ACOX2: variants seen among roughly 807,000 people sequenced by gnomAD.
ACOX2 encodes acyl-CoA oxidase 2.
A neutral mutation model predicts 77.5 loss-of-function variants in ACOX2; 59 were observed. That is an observed-to-expected ratio of 0.76 (90% CI 0.62 to 0.95). The LOEUF (loss-of-function observed/expected upper bound fraction) is 0.95. ACOX2 is among the 40% of genes least tolerant of loss of function. The pLI, the probability that ACOX2 is intolerant of heterozygous loss-of-function variation, is 0.00. For missense variants in ACOX2, 837 were observed against 880.4 expected, an observed-to-expected ratio of 0.95 and a Z score of 0.62; for synonymous variants, 317 against 340.1, an observed-to-expected ratio of 0.93 and a Z score of 0.75.
Position 58,522,544 on chromosome 3 carries a change from C to A in ACOX2, c.1584G>T (p.Gln528His). Residue 528 changes from glutamine (Q) to histidine (H), a missense_variant, in exon 12 of 15, where the codon CAG becomes CAT. Transcript: ENST00000302819. The surrounding 1 kb of genome is among the most constrained non-coding windows in gnomAD (Gnocchi z 4.3). ...LQTLTQSGAD[Q>H]HEAWNQTTVI... ...CAGTGGTCTGGTTCCAAGCCTCGTG[C>A]TGGTCAGCTCCGGATTGCGTCAGGG... is the stretch of plus-strand genomic sequence containing the variant. The A allele has an allele frequency of 1.2e-6, 2 of 1,614,190 alleles. No homozygotes were observed. Among genetic ancestry groups the A allele is most frequent in the Non-Finnish European group, 1.7e-6 (2 of 1,180,036 alleles).
In ACOX2 at chr3:58,526,432, C is replaced by G. The variant is rs767277395; in HGVS notation, c.1346+34G>C. The G allele has an allele frequency of 1.3e-6, 2 of 1,580,372 alleles. No individual in the cohort carries two copies. Among genetic ancestry groups the G allele is most frequent in the African/African-American group, 2.7e-5 (2 of 74,154 alleles). On this transcript the variant is annotated intron_variant, in intron 10 of 14. Transcript: ENST00000302819. The surrounding 1 kb of genome is among the most constrained non-coding windows in gnomAD (Gnocchi z 4.3). ...CAGAAGCTTGGTGGGTCCCCAAGGG[C>G]TTGGGCAAAGGCCTGGGTCAGCCTG... is the stretch of plus-strand genomic sequence containing the variant.
Position 58,514,970 on chromosome 3 carries a change from G to A in ACOX2, c.1850+2236C>T, listed in dbSNP as rs953496727. ...GTATTAGGGAAAGTTTTATACCTGG[G>A]ACATAATTGTGTCAAACGTATTTTT... is the stretch of plus-strand genomic sequence containing the variant. On this transcript the variant is annotated intron_variant, in intron 13 of 14. Coordinates refer to ENST00000302819, the MANE Select transcript of ACOX2 (RefSeq NM_003500.4). The surrounding 1 kb of genome is among the most constrained non-coding windows in gnomAD (Gnocchi z 4.3). Among the ~76,000 whole-genome samples, 3 of 152,166 alleles carry A rather than the reference G, an allele frequency of 2.0e-5. No individual in the cohort carries two copies. The highest frequency in any genetic ancestry group is 7.2e-5 in the African/African-American group (3 of 41,508).
chr3:58,529,059 C>G (rs753391831), intron 8 of ACOX2, 103 bp from the exon 9 acceptor site: 7 of 1,265,188 alleles, frequency 5.5e-6, no homozygotes, highest in Non-Finnish European at 7.4e-6. Flanking sequence ...TTCCTTAGAA[C>G]TCATTGCAAA....
chr3:58,512,823 A>T lies in ACOX2; in HGVS notation c.1851-3798T>A, dbSNP rs1294769108. On this transcript the variant is annotated intron_variant, in intron 13 of 14. Transcript: ENST00000302819. The surrounding 1 kb of genome is among the most constrained non-coding windows in gnomAD (Gnocchi z 4.8). ...AGTGATTGATGTTAGAATTGGCTGC[A>T]GTATTCAGAACAGCAACATGCTTTG... is the stretch of plus-strand genomic sequence containing the variant. Among the ~76,000 whole-genome samples, 1 of 152,264 alleles carries T rather than the reference A, an allele frequency of 6.6e-6. No homozygotes were observed. Among genetic ancestry groups the T allele is most frequent in the East Asian group, 1.9e-4 (1 of 5,208 alleles).
intron 14 of ACOX2, among the ~76,000 whole-genome samples, chr3:58,507,071 C>T (rs2063239903): frequency 6.6e-6 from 1 of 152,238 alleles, no homozygotes; most frequent in African/African-American, 2.4e-5. Context: ...TTTGTAACTT[C>T]ACATTCCCAA....
At position 58,534,110 on chromosome 3, in the gene ACOX2, CTG is replaced by C. The variant is rs1391667214; in HGVS notation, c.357_358del (p.His119GlnfsTer49). On this transcript the variant is annotated frameshift_variant, in exon 4 of 15. Transcript: ENST00000302819. LOFTEE classifies it high-confidence loss of function. The surrounding 1 kb of genome is among the most constrained non-coding windows in gnomAD (Gnocchi z 4.8). ...GCTCCTGAGGGCTCTCACGAAGACT[CTG>C]TGTATATTTAAGGCCACGTCTCCAG... 2 of 1,614,152 alleles carry C rather than the reference CTG, an allele frequency of 1.2e-6. No homozygotes were observed. Among genetic ancestry groups the C allele is most frequent in the South Asian group, 2.2e-5 (2 of 91,092 alleles).
At position 58,524,480 on chromosome 3, in the gene ACOX2, G is replaced by C. The variant is rs200944812; in HGVS notation, c.1472C>G (p.Ala491Gly). The change falls in exon 11 of 15, where the codon GCC (alanine) becomes GGC (glycine). Residue 491 changes from alanine to glycine, a missense_variant. Coordinates refer to ENST00000302819, the MANE Select transcript of ACOX2 (RefSeq NM_003500.4). The surrounding 1 kb of genome is among the most constrained non-coding windows in gnomAD (Gnocchi z 5.5). ...GTAGAGCTCCGGGCAGAGGAAGTCG[G>C]CTGCCCTCTGGGCTGGACACCTGGC... ...DLARCPAQRA[A>G]DFLCPELYTT... is the part of the protein sequence containing the mutation. 5 of 1,584,888 alleles carry C rather than the reference G, an allele frequency of 3.2e-6. No individual in the cohort carries two copies. The East Asian group carries it at 6.9e-5, about 22-fold the overall frequency.
rs1560218396 is a variant in ACOX2 at position 58,528,563 on chromosome 3, C to T, written c.1155+231G>A. ...AGGGGTTGTGGACCTGTGTTCTCTA[C>T]GCTAGGTGTGATTGTTTTCTCTTAG... On this transcript the variant is annotated intron_variant, in intron 9 of 14. Transcript: ENST00000302819. This position sits in a 1 kb window ranked among gnomAD's most constrained non-coding sequence, Gnocchi z 5.6. Among the ~76,000 whole-genome samples, 1 of 152,024 alleles carries T rather than the reference C, an allele frequency of 6.6e-6. No individual in the cohort carries two copies. The highest frequency in any genetic ancestry group is 1.5e-5 in the Non-Finnish European group (1 of 68,028).
intron 8 of ACOX2, among the ~76,000 whole-genome samples, chr3:58,530,228 C>A (rs1383415988): frequency 6.6e-6 from 1 of 152,232 alleles, no homozygotes. Context: ...GGGGGCCAGG[C>A]ACTGAGGATG....
At chr3:58,530,436 T>C in intron 8 of ACOX2, 30 bp downstream of exon 8, 1 of 1,606,750 alleles carries the variant, frequency 6.2e-7, no homozygotes, top group Non-Finnish European at 8.5e-7. Context: ...GCAGCATATC[T>C]GCGGTAGTCA....
At position 58,505,411 on chromosome 3, in the gene ACOX2, T is replaced by C; in HGVS notation, c.1984-125A>G. The stretch of plus-strand genomic sequence containing the variant: ...ACGTAAGATTCTTAATTTTAAAAAT[T>C]ATTTCTAAGACTCATTTTGTGTGAA... On this transcript the variant is annotated intron_variant, in intron 14 of 14. Coordinates refer to ENST00000302819, the MANE Select transcript of ACOX2 (RefSeq NM_003500.4). The surrounding 1 kb of genome is among the most constrained non-coding windows in gnomAD (Gnocchi z 4.4). 5 of 760,970 alleles carry C rather than the reference T, an allele frequency of 6.6e-6. No homozygotes were observed. The highest frequency in any genetic ancestry group is 1.0e-5 in the Non-Finnish European group (5 of 499,344). The allele number at this position is 760,970 out of a possible 1,614,324, so 47.1% of individuals were successfully genotyped here.
At chr3:58,517,501 G>A in intron 12 of ACOX2, 78 bp from the exon 13 acceptor site, 13 of 1,422,270 alleles carry the variant, frequency 9.1e-6, no homozygotes, top group South Asian at 1.2e-5. Context: ...TGGCAAGATG[G>A]CTGGAATAAA....
At chr3:58,530,787 TC>T in intron 7 of ACOX2, 149 bp from the exon 8 acceptor site, 1 of 1,066,516 alleles carries the variant, frequency 9.4e-7, no homozygotes, top group Non-Finnish European at 1.3e-6. Flanking sequence ...CCAGGCCATT[TC>T]CCCAAGTGCC....
chr3:58,511,388 G>C, intron 13 of ACOX2: 1 of 306,514 alleles, frequency 3.3e-6, no homozygotes, highest in Non-Finnish European at 6.5e-6. Flanking sequence ...CCATTATCAT[G>C]AAGGACATTG....
Position 58,515,439 on chromosome 3 carries a change from C to G in ACOX2, c.1850+1767G>C, listed in dbSNP as rs1175298366. 6.6e-6 allele frequency among the ~76,000 whole-genome samples: 1 copy of G among 152,128 alleles called. No individual in the cohort carries two copies. The highest frequency in any genetic ancestry group is 2.1e-4 in the South Asian group (1 of 4,828). On this transcript the variant is annotated intron_variant, in intron 13 of 14. Coordinates refer to ENST00000302819, the MANE Select transcript of ACOX2 (RefSeq NM_003500.4). The surrounding 1 kb of genome is among the most constrained non-coding windows in gnomAD (Gnocchi z 4.0). ...GGAATTTGGTCTAGTTTTTTAAAAA[C>G]CTGTCTTAAAATCTTATTTTTAAAA...
Position 58,535,388 on chromosome 3 carries a change from G to T in ACOX2, c.-91-191C>A. The stretch of plus-strand genomic sequence containing the variant: ...CTTGGTACATGTTTGTTCAATACTT[G>T]TTAGCCAAAATTGGACAGGGCCTGA... On this transcript the variant is annotated intron_variant, in intron 1 of 14. Transcript: ENST00000302819. The surrounding 1 kb of genome is among the most constrained non-coding windows in gnomAD (Gnocchi z 4.8). 4.3e-6 allele frequency: 2 copies of T among 469,146 alleles called. No individual in the cohort carries two copies. The highest frequency in any genetic ancestry group is 3.5e-5 in the Admixed American group (1 of 28,910). 29.1% of individuals were successfully genotyped at this position (469,146 alleles called of 1,614,324 possible). A position where few individuals can be genotyped will look rare whatever the true frequency, so the allele number is the denominator to read the frequency against.
chr3:58,529,580 C>G (rs2063421810), intron 8 of ACOX2, among the ~76,000 whole-genome samples: 1 of 152,232 alleles, frequency 6.6e-6, no homozygotes, highest in East Asian at 1.9e-4. Context: ...CTTATAACCA[C>G]CCTGGGGACA....
chr3:58,510,783 G>A (rs1030548865), intron 13 of ACOX2, among the ~76,000 whole-genome samples: 4 of 133,542 alleles, frequency 3.0e-5, no homozygotes, highest in Non-Finnish European at 6.2e-5. Flanking sequence ...TTAGCAAAAC[G>A]CATACCTCTT....
chr3:58,531,198 C>T lies in ACOX2; in HGVS notation c.819+53G>A, dbSNP rs1040897114. 1.2e-5 allele frequency: 19 copies of T among 1,532,224 alleles called. 1 individual carries two copies. The highest frequency in any genetic ancestry group is 1.0e-4 in the Admixed American group (6 of 58,446). 94.9% of individuals were successfully genotyped at this position (1,532,224 alleles called of 1,614,324 possible). On this transcript the variant is annotated intron_variant, in intron 7 of 14. Transcript: ENST00000302819. This position sits in a 1 kb window ranked among gnomAD's most constrained non-coding sequence, Gnocchi z 5.8. The stretch of plus-strand genomic sequence containing the variant: ...GGACCCAGGCCCAGCCTGCACAAAG[C>T]GCAGGTCCCCTCTCCAGGAAGTACA...
Sources: allele counts gnomAD v4.1 joint callset (sites outside exome capture counted in the v4.1 genomes callset), GRCh38; gene constraint gnomAD v4.1.1; non-coding constraint Gnocchi (gnomAD v3.1); transcripts MANE v1.5; gene names NCBI Gene and HGNC (gene_info 2026-07-23, HGNC 2026-07-21).